Variants in AFAP1L2 observed in about 807,000 individuals in gnomAD.
AFAP1L2 encodes the protein actin filament associated protein 1 like 2.
In AFAP1L2, 46 loss-of-function variants were observed where a neutral mutation model predicts 99.3. The observed-to-expected ratio is 0.46, with a 90% confidence interval of 0.37 to 0.59. The LOEUF (loss-of-function observed/expected upper bound fraction) is 0.59, where lower values mean the gene tolerates loss of function less well. Ranked by LOEUF, AFAP1L2 falls within the 20% of genes least tolerant of loss-of-function variation. AFAP1L2 has a pLI of 0.00. For missense variants in AFAP1L2, 959 were observed against 1,034.9 expected (o/e 0.93, Z 1.01); for synonymous variants, 397 against 419.1 (o/e 0.95, Z 0.64).
At chr10:114,349,399 A>AAAAAAG (rs2050108027) in intron 1 of AFAP1L2, among the ~76,000 whole-genome samples, 10 of 141,720 alleles carry the variant, frequency 7.1e-5, no homozygotes, top group Middle Eastern at 3.8e-3. Context: ...AAAAAAAAAA[A>AAAAAAG]AAAAGAAAAG....
Position 114,348,097 on chromosome 10 carries a change from G to T in AFAP1L2, c.17-7366C>A, listed in dbSNP as rs2049883687. Among the ~76,000 whole-genome samples the T allele has an allele frequency of 3.3e-5, 5 of 152,156 alleles. No homozygotes were observed. In the South Asian group the frequency reaches 1.0e-3, roughly 32 times the overall value. ...TTTCCCTTAGCATTATGTTTTCAAGGTTCATCCATGTTGCAGTAGGTATGG... is the reference window on the plus strand; with the variant it reads ...TTTCCCTTAGCATTATGTTTTCAAGTTTCATCCATGTTGCAGTAGGTATGG... On this transcript the variant is annotated intron_variant, in intron 1 of 18. Coordinates refer to ENST00000304129, the MANE Select transcript of AFAP1L2 (RefSeq NM_001001936.3).
intron 1 of AFAP1L2, among the ~76,000 whole-genome samples, chr10:114,371,974 A>G (rs866565495): frequency 2.0e-5 from 3 of 152,250 alleles, no homozygotes; most frequent in Non-Finnish European, 2.9e-5. Context: ...GGAAAAAAAA[A>G]GATAAAATGG....
downstream of AFAP1L2, among the ~76,000 whole-genome samples, chr10:114,293,359 T>G (rs1012213415): frequency 6.6e-6 from 1 of 152,242 alleles, no homozygotes; most frequent in Non-Finnish European, 1.5e-5. Context: ...TTTGTCTTGT[T>G]CCGGGCTGGT....
At chr10:114,300,104 C>CA in intron 15 of AFAP1L2, 90 bp downstream of exon 15, 1 of 1,557,972 alleles carries the variant, frequency 6.4e-7, no homozygotes, top group South Asian at 1.1e-5. Context: ...AACGCCCTTT[C>CA]ATATATACAT....
chr10:114,398,977 T>C (rs2057995777), intron 1 of AFAP1L2: 9 of 1,220,696 alleles, frequency 7.4e-6, no homozygotes, highest in Non-Finnish European at 9.9e-6. Context: ...TCTCCATTTC[T>C]GGAATCTGCC....
intron 1 of AFAP1L2, among the ~76,000 whole-genome samples, chr10:114,363,862 T>A (rs1398886307): frequency 1.3e-5 from 2 of 152,228 alleles, no homozygotes; most frequent in Non-Finnish European, 2.9e-5. Flanking sequence ...AAATATAGCA[T>A]TATCCCCATT....
chr10:114,327,175 T>TATATATATA (rs1564880771), intron 4 of AFAP1L2, among the ~76,000 whole-genome samples: 1,170 of 55,498 alleles, frequency 0.021, 242 homozygotes, highest in Non-Finnish European at 0.044. Context: ...ATATATATAT[T>TATATATATA]TTTTTTTTAG....
intron 1 of AFAP1L2, among the ~76,000 whole-genome samples, chr10:114,368,762 CT>C (rs1565005261): frequency 7.7e-6 from 1 of 129,748 alleles, no homozygotes; most frequent in Non-Finnish European, 1.6e-5. Context: ...CTTAAGTGTC[CT>C]TACAACACAC....
chr10:114,375,019 G>A (rs1270448969), intron 1 of AFAP1L2, among the ~76,000 whole-genome samples: 1 of 152,150 alleles, frequency 6.6e-6, no homozygotes, highest in East Asian at 1.9e-4. Flanking sequence ...CGGGGCTACT[G>A]CCTGATCCTC....
chr10:114,321,208 C>G (rs1383076959), intron 5 of AFAP1L2, among the ~76,000 whole-genome samples: 1 of 152,138 alleles, frequency 6.6e-6, no homozygotes, highest in African/African-American at 2.4e-5. Flanking sequence ...CACTGTCATT[C>G]GAGTGGTGTA....
intron 4 of AFAP1L2, among the ~76,000 whole-genome samples, chr10:114,324,896 G>A (rs2046014308): frequency 6.6e-6 from 1 of 152,222 alleles, no homozygotes; most frequent in Non-Finnish European, 1.5e-5. Flanking sequence ...CCAGGATGGA[G>A]GTAGCTCCCC....
intron 1 of AFAP1L2, among the ~76,000 whole-genome samples, chr10:114,341,514 G>A (rs1004667450): frequency 6.6e-6 from 1 of 151,964 alleles, no homozygotes; most frequent in Admixed American, 6.5e-5. Context: ...TTGGGAGGCT[G>A]AGGCAGGAGA....
chr10:114,286,465 C>T, the AFAP1L2 span: 3 of 1,602,440 alleles, frequency 1.9e-6, no homozygotes, highest in East Asian at 6.7e-5. Context: ...ATCTGTTCAA[C>T]CAAATCCCTG....
At chr10:114,323,336 T>G (rs2045692703) in intron 4 of AFAP1L2, 75 bp from the exon 5 acceptor site, 1 of 1,363,944 alleles carries the variant, frequency 7.3e-7, no homozygotes, top group Non-Finnish European at 1.0e-6. Flanking sequence ...ACTCTTCGGG[T>G]GGAAGTCTAG....
chr10:114,387,726 C>T (rs2056680201), intron 1 of AFAP1L2, among the ~76,000 whole-genome samples: 3 of 152,220 alleles, frequency 2.0e-5, no homozygotes, highest in African/African-American at 7.2e-5. Flanking sequence ...CGAAGCCACA[C>T]CCTGCAACTT....
intron 4 of AFAP1L2, among the ~76,000 whole-genome samples, chr10:114,329,737 G>A (rs1248349546): frequency 1.3e-5 from 2 of 152,202 alleles, no homozygotes. Flanking sequence ...ACTGGAGGGA[G>A]CATAGCTTAA....
chr10:114,343,631 C>T (rs1361794068), intron 1 of AFAP1L2, among the ~76,000 whole-genome samples: 1 of 152,206 alleles, frequency 6.6e-6, no homozygotes, highest in Non-Finnish European at 1.5e-5. Context: ...TAAGTGTTTG[C>T]ACAAAGAGCA....
At chr10:114,376,018 T>C (rs937102662) in intron 1 of AFAP1L2, among the ~76,000 whole-genome samples, 3 of 152,116 alleles carry the variant, frequency 2.0e-5, no homozygotes, top group African/African-American at 7.2e-5. Flanking sequence ...TCTAATTTCA[T>C]ACTCCAGTCC....
At chr10:114,329,495 C>T (rs147476825) in intron 4 of AFAP1L2, among the ~76,000 whole-genome samples, 2 of 152,318 alleles carry the variant, frequency 1.3e-5, no homozygotes, top group Non-Finnish European at 2.9e-5. Flanking sequence ...CAGAAGATGG[C>T]ACTTCCACTA....
Sources: allele counts gnomAD v4.1 joint callset (sites outside exome capture counted in the v4.1 genomes callset), GRCh38; gene constraint gnomAD v4.1.1; transcripts MANE v1.5; gene names NCBI Gene and HGNC (gene_info 2026-07-23, HGNC 2026-07-21).